The following ATP5PF variants were observed in gnomAD, a reference collection of about 807,000 sequenced individuals.
ATP5PF encodes the protein ATP synthase peripheral stalk subunit F6, mitochondrial.
In ATP5PF, 7 loss-of-function variants were observed where a neutral mutation model predicts 12.0. The observed-to-expected ratio is 0.58, with a 90% CI of 0.33 to 1.10. The LOEUF (loss-of-function observed/expected upper bound fraction) is 1.10. Ranked by LOEUF, ATP5PF falls within the 50% of genes least tolerant of loss-of-function variation. The probability of loss-of-function intolerance (pLI) is 0.03; values close to 1 mark genes in which losing one functional copy is unlikely to be tolerated. For missense variants in ATP5PF, 120 were observed against 127.7 expected (o/e 0.94, Z 0.29); for synonymous variants, 41 against 45.4 (o/e 0.90, Z 0.39).
chr21:25,729,047 T>G (rs986688303), intron 2 of ATP5PF, among the ~76,000 whole-genome samples: 1 of 152,182 alleles, frequency 6.6e-6, no homozygotes, highest in Non-Finnish European at 1.5e-5. Context: ...TTTCCAAAAC[T>G]ATGGTTCTAC....
At chr21:25,726,386 G>A (rs1167175995) in intron 2 of ATP5PF, among the ~76,000 whole-genome samples, 1 of 152,182 alleles carries the variant, frequency 6.6e-6, no homozygotes, top group Non-Finnish European at 1.5e-5. Context: ...TATTCAAGTT[G>A]AGGAAGAGAT....
intron 1 of ATP5PF, 67 bp from the exon 2 acceptor site, chr21:25,729,868 G>A (rs1246278968): frequency 8.7e-6 from 13 of 1,495,232 alleles, no homozygotes; most frequent in Non-Finnish European, 1.2e-5. Flanking sequence ...AATATATCAT[G>A]AGAATCAAAT....
At chr21:25,730,513 C>T (rs139848251) in intron 1 of ATP5PF, among the ~76,000 whole-genome samples, 3 of 152,100 alleles carry the variant, frequency 2.0e-5, no homozygotes, top group African/African-American at 4.8e-5. Flanking sequence ...GCTGGTGGAT[C>T]ACCTGAGGTT....
chr21:25,727,016 T>C (rs2034636461), intron 2 of ATP5PF, among the ~76,000 whole-genome samples: 1 of 152,238 alleles, frequency 6.6e-6, no homozygotes, highest in Admixed American at 6.5e-5. Context: ...TTAGAAACGC[T>C]CTCTGTCTGT....
chr21:25,725,467 G>T, intron 2 of ATP5PF, 117 bp from the exon 3 acceptor site: 1 of 1,201,698 alleles, frequency 8.3e-7, no homozygotes, highest in African/African-American at 1.6e-5. Context: ...TTGAGACGGA[G>T]TCTTGCTTGG....
chr21:25,731,945 T>C (rs984667813), intron 1 of ATP5PF, among the ~76,000 whole-genome samples: 24 of 152,178 alleles, frequency 1.6e-4, no homozygotes, highest in African/African-American at 5.1e-4. Context: ...GTATTTTAAG[T>C]GACTTCATTG....
At chr21:25,725,621 G>C (rs2034598582) in intron 2 of ATP5PF, among the ~76,000 whole-genome samples, 1 of 151,978 alleles carries the variant, frequency 6.6e-6, no homozygotes, top group Non-Finnish European at 1.5e-5. Context: ...TGTATTTTTA[G>C]TAGAGAGGGG....
intron 2 of ATP5PF, among the ~76,000 whole-genome samples, chr21:25,725,695 C>T (rs752180005): frequency 6.6e-6 from 1 of 152,198 alleles, no homozygotes; most frequent in Non-Finnish European, 1.5e-5. Flanking sequence ...GCCTCGGCCT[C>T]CCATAAGTGC....
intron 1 of ATP5PF, among the ~76,000 whole-genome samples, chr21:25,733,372 T>TA (rs1429771317): frequency 1.3e-5 from 2 of 151,326 alleles, no homozygotes; most frequent in African/African-American, 4.9e-5. Context: ...TACTGAAAAA[T>TA]ACAAAAAATT....
chr21:25,732,314 T>G (rs2034805239), intron 1 of ATP5PF, among the ~76,000 whole-genome samples: 1 of 152,034 alleles, frequency 6.6e-6, no homozygotes, highest in Non-Finnish European at 1.5e-5. Context: ...AATGCCAAGG[T>G]TGACAAACTC....
At chr21:25,726,308 T>C (rs188509997) in intron 2 of ATP5PF, among the ~76,000 whole-genome samples, 13 of 152,326 alleles carry the variant, frequency 8.5e-5, no homozygotes, top group Middle Eastern at 3.4e-3. Context: ...AAAAATTACA[T>C]GTTTACAAAC....
At chr21:25,734,991 G>C, upstream of ATP5PF, 3 of 1,549,860 alleles carry the variant, frequency 1.9e-6, no homozygotes, top group Non-Finnish European at 1.7e-6. Flanking sequence ...ACGCTCACCG[G>C]ACAGGAAGCG....
intron 2 of ATP5PF, among the ~76,000 whole-genome samples, chr21:25,729,279 A>C (rs1425094329): frequency 1.3e-5 from 2 of 152,200 alleles, no homozygotes; most frequent in Admixed American, 1.3e-4. Context: ...TCGGCTAATC[A>C]ATGTCTAAGG....
At chr21:25,727,888 CAG>C (rs1038187082) in intron 2 of ATP5PF, among the ~76,000 whole-genome samples, 1 of 152,136 alleles carries the variant, frequency 6.6e-6, no homozygotes, top group African/African-American at 2.4e-5. Context: ...GGGTTGTTGT[CAG>C]AGTTTCATTA....
intron 2 of ATP5PF, among the ~76,000 whole-genome samples, chr21:25,725,835 G>A (rs564359611): frequency 2.0e-5 from 3 of 152,250 alleles, no homozygotes; most frequent in South Asian, 2.1e-4. Flanking sequence ...ATTTTATTAC[G>A]ATGAGGTTTC....
chr21:25,724,687 G>T lies in ATP5PF; in HGVS notation c.290-10C>A, dbSNP rs2034570307. On this transcript the variant is annotated splice_polypyrimidine_tract_variant and intron_variant, in intron 3 of 3. Transcript: ENST00000284971. ...ACTTCAAATTTGGGATCTAAGAAGA[G>T]GGGGAAAAAAGGGTCAAGCTTAGCC... 2 of 1,592,192 alleles carry T rather than the reference G, an allele frequency of 1.3e-6. No individual in the cohort carries two copies. Among genetic ancestry groups the T allele is most frequent in the East Asian group, 4.6e-5 (2 of 43,834 alleles).
Position 25,729,664 on chromosome 21 carries a change from A to C in ATP5PF, c.131T>G (p.Val44Gly). 6.2e-7 allele frequency: 1 copy of C among 1,613,500 alleles called. No individual in the cohort carries two copies. The highest frequency in any genetic ancestry group is 1.1e-5 in the South Asian group (1 of 90,976). Reference protein sequence around the residue: ...KELDPIQKLFVDKIREYKSKR... With the variant: ...KELDPIQKLFGDKIREYKSKR... ...AGATTTGTATTCTCTAATCTTGTCC[A>C]CAAAGAGTTTCTGTATAGGATCAAG... Residue 44 changes from valine to glycine, a missense_variant, in exon 2 of 4, where the codon GTG becomes GGG. Physicochemically the swap from Val to Gly is moderately radical, Grantham distance 109. Coordinates refer to ENST00000284971, the MANE Select transcript of ATP5PF (RefSeq NM_001003703.2).
chr21:25,733,578 A>G (rs528152574), intron 1 of ATP5PF, among the ~76,000 whole-genome samples: 3 of 150,756 alleles, frequency 2.0e-5, no homozygotes, highest in South Asian at 2.1e-4. Context: ...CTTAACACAT[A>G]TATGCAAAAA....
At chr21:25,735,035 G>C (rs2034979205), upstream of ATP5PF, 5 of 1,468,306 alleles carry the variant, frequency 3.4e-6, no homozygotes. Context: ...ACGGGTCTAG[G>C]TGAGACAGAA....
Sources: gnomAD v4.1 joint callset for allele counts (sites outside exome capture counted in the v4.1 genomes callset) on GRCh38, gnomAD v4.1.1 for gene constraint, MANE v1.5 for transcripts, NCBI Gene and HGNC (gene_info 2026-07-23, HGNC 2026-07-21) for gene names.